Variants in SVIL observed in about 807,000 individuals in gnomAD.
SVIL encodes the protein archvillin.
Under a neutral mutation model 240.4 loss-of-function variants are expected in SVIL, and 101 were observed. The ratio of observed to expected loss-of-function variants is 0.42; its 90% CI spans 0.36 to 0.50. The LOEUF is 0.50. Ranked by LOEUF, SVIL falls within the 20% of genes least tolerant of loss-of-function variation. The pLI is 0.01. For missense variants in SVIL, 2,512 were observed against 2,818.7 expected, an observed-to-expected ratio of 0.89 and a Z score of 2.46; for synonymous variants, 999 against 1,100.0, an observed-to-expected ratio of 0.91 and a Z score of 1.82.
chr10:29,665,227 CAAAAAAAAAAA>C (rs58164251), intron 2 of SVIL, among the ~76,000 whole-genome samples: 6 of 67,382 alleles, frequency 8.9e-5, no homozygotes, highest in African/African-American at 2.5e-4. Context: ...GATCTTGTCT[CAAAAAAAAAAA>C]AAAAAAAAAA....
chr10:29,602,121 A>G (rs534569172), intron 1 of SVIL: 45 of 363,502 alleles, frequency 1.2e-4, no homozygotes, highest in South Asian at 9.2e-4. Context: ...TTTTGCTTTT[A>G]ACAATTTATG....
At chr10:29,567,599 CGT>C (rs1564652813) in intron 2 of SVIL, among the ~76,000 whole-genome samples, 1 of 152,190 alleles carries the variant, frequency 6.6e-6, no homozygotes, top group Non-Finnish European at 1.5e-5. Context: ...TGTCCACTGA[CGT>C]GTGTGACTTT....
chr10:29,502,498 C>A (rs1297662095), intron 17 of SVIL, among the ~76,000 whole-genome samples: 1 of 151,892 alleles, frequency 6.6e-6, no homozygotes, highest in African/African-American at 2.4e-5. Context: ...CCAGGTTTAG[C>A]TGACACATGT....
rs1356550522 is a variant in SVIL at position 29,551,053 on chromosome 10, A to G, written c.371T>C (p.Leu124Pro). 1.2e-6 allele frequency: 2 copies of G among 1,614,178 alleles called. No individual in the cohort carries two copies. The highest frequency in any genetic ancestry group is 1.7e-5 in the Admixed American group (1 of 60,012). ...RQLAEKYGLT[L>P]DPEADSEYLS... Reference sequence around the variant, plus strand: ...ATACTCGGAGTCGGCCTCGGGATCCAGAGTCAGCCCATACTTCTCTGCCAG... The same window carrying G: ...ATACTCGGAGTCGGCCTCGGGATCCGGAGTCAGCCCATACTTCTCTGCCAG... The change falls in exon 6 of 38, where the codon CTG (leucine) becomes CCG (proline). Residue 124 changes from leucine to proline, a missense_variant. Coordinates refer to ENST00000355867, the MANE Select transcript of SVIL (RefSeq NM_021738.3).
At chr10:29,567,123 A>AC (rs1272492801) in intron 2 of SVIL, among the ~76,000 whole-genome samples, 1 of 151,514 alleles carries the variant, frequency 6.6e-6, no homozygotes, top group Non-Finnish European at 1.5e-5. Context: ...TTGTGCCGCC[A>AC]CCCCCCTTCC....
intron 17 of SVIL, among the ~76,000 whole-genome samples, chr10:29,508,737 G>A (rs558481704): frequency 3.7e-4 from 56 of 152,308 alleles, no homozygotes; most frequent in African/African-American, 1.3e-3. Context: ...TTCTGGGGCT[G>A]TCATAGATCT....
chr10:29,473,509 G>A, intron 30 of SVIL: 1 of 333,370 alleles, frequency 3.0e-6, no homozygotes, highest in East Asian at 7.5e-5. Context: ...AGAAGTGGAT[G>A]ATGGCATCTC....
chr10:29,639,218 C>T (rs558073438), upstream of SVIL, among the ~76,000 whole-genome samples: 1 of 152,186 alleles, frequency 6.6e-6, no homozygotes, highest in African/African-American at 2.4e-5. Flanking sequence ...TGTCACCAGG[C>T]TGGAGTGCAG....
At position 29,522,550 on chromosome 10, in the gene SVIL, C is replaced by T; in HGVS notation, c.3249G>A (p.Trp1083Ter). 1 of 1,614,162 alleles carries T rather than the reference C, an allele frequency of 6.2e-7. No homozygotes were observed. Among genetic ancestry groups the T allele is most frequent in the Non-Finnish European group, 8.5e-7 (1 of 1,180,032 alleles). The change falls in exon 16 of 38, where the codon TGG becomes TGA. Residue 1083 changes from tryptophan (W) to a stop codon, truncating the protein, a stop_gained. Coordinates refer to ENST00000355867, the MANE Select transcript of SVIL (RefSeq NM_021738.3). LOFTEE classifies it high-confidence loss of function. ...TIAQTTAPVS[W>*]KPQDSSEQPQ... ...GCTGTTCCGAAGAATCCTGGGGCTT[C>T]CAGGACACGGGGGCTGTGGTTTGAG... is the stretch of plus-strand genomic sequence containing the variant.
At chr10:29,491,469 C>A (rs538528989) in intron 21 of SVIL, among the ~76,000 whole-genome samples, 1 of 152,326 alleles carries the variant, frequency 6.6e-6, no homozygotes, top group South Asian at 2.1e-4. Flanking sequence ...TTCGCTCGGC[C>A]TAAACTTTCT....
intron 1 of SVIL, among the ~76,000 whole-genome samples, chr10:29,587,365 G>T (rs112078067): frequency 8.6e-5 from 13 of 152,026 alleles, no homozygotes; most frequent in African/African-American, 3.1e-4. Flanking sequence ...ACCAGCCTCC[G>T]CAGTCTGCCT....
At chr10:29,734,808 C>A (rs1357638946) in intron 1 of SVIL, among the ~76,000 whole-genome samples, 1 of 152,162 alleles carries the variant, frequency 6.6e-6, no homozygotes, top group Admixed American at 6.5e-5. Flanking sequence ...CTGCCTCTGA[C>A]ATTTCTATGA....
At chr10:29,628,617 C>T (rs944294597) in intron 1 of SVIL, among the ~76,000 whole-genome samples, 1 of 152,136 alleles carries the variant, frequency 6.6e-6, no homozygotes, top group African/African-American at 2.4e-5. Context: ...TGGGTCTTCG[C>T]CCAGAACCGA....
At chr10:29,724,283 T>TCTTCCAAC (rs2132701947) in intron 1 of SVIL, among the ~76,000 whole-genome samples, 1 of 151,336 alleles carries the variant, frequency 6.6e-6, no homozygotes, top group South Asian at 2.1e-4. Flanking sequence ...ACTTGTGACT[T>TCTTCCAAC]CTTCCAACAC....
At chr10:29,504,323 C>T (rs1291447164) in intron 17 of SVIL, among the ~76,000 whole-genome samples, 1 of 152,154 alleles carries the variant, frequency 6.6e-6, no homozygotes, top group Non-Finnish European at 1.5e-5. Context: ...GCAATATCCA[C>T]AGAAGAAATA....
chr10:29,474,192 C>A (rs1250089037), intron 29 of SVIL, among the ~76,000 whole-genome samples: 1 of 152,194 alleles, frequency 6.6e-6, no homozygotes. Context: ...CAGCTCCTGA[C>A]CCAGAACTTC....
intron 1 of SVIL, among the ~76,000 whole-genome samples, chr10:29,631,736 T>C (rs1958103861): frequency 6.6e-6 from 1 of 151,932 alleles, no homozygotes; most frequent in East Asian, 1.9e-4. Flanking sequence ...GATTGTGCCA[T>C]TGCACTCCAG....
chr10:29,721,703 A>G (rs192846900), intron 1 of SVIL, among the ~76,000 whole-genome samples: 11 of 152,326 alleles, frequency 7.2e-5, no homozygotes, highest in Admixed American at 7.2e-4. Context: ...CTATGCATCC[A>G]AATACATGAA....
chr10:29,679,865 C>T (rs1184357059), intron 2 of SVIL, among the ~76,000 whole-genome samples: 1 of 151,176 alleles, frequency 6.6e-6, no homozygotes, highest in East Asian at 1.9e-4. Flanking sequence ...GTACATGTAC[C>T]CCCTGAATCT....
Sources: gnomAD v4.1 joint callset for allele counts (sites outside exome capture counted in the v4.1 genomes callset) on GRCh38, gnomAD v4.1.1 for gene constraint, MANE v1.5 for transcripts, NCBI Gene and HGNC (gene_info 2026-07-23, HGNC 2026-07-21) for gene names.